The following TBL1X variants were observed in gnomAD, a reference collection of about 807,000 sequenced individuals.
TBL1X encodes transducin beta like 1 X-linked.
In TBL1X, 10 loss-of-function variants were observed where a neutral mutation model predicts 50.7. The observed-to-expected ratio is 0.20, with a 90% CI of 0.12 to 0.33. TBL1X has a LOEUF of 0.33. Among genes scored for constraint, TBL1X ranks in the 10% least tolerant of loss-of-function variants. The pLI, the probability that TBL1X is intolerant of heterozygous loss-of-function variation, is 1.00. For missense variants in TBL1X, 340 were observed against 504.4 expected (o/e 0.67, Z 3.12); for synonymous variants, 190 against 214.7 (o/e 0.88, Z 1.01).
At chrX:9,582,809 T>G (rs2082449239) in intron 2 of TBL1X, among the ~76,000 whole-genome samples, 1 of 112,433 alleles carries the variant, frequency 8.9e-6, no homozygotes, top group African/African-American at 3.2e-5. Flanking sequence ...AATATGGAAA[T>G]TGTCAAACAT....
rs372566282 is a variant in TBL1X at position 9,638,944 on chromosome X, A to G, written c.-130-1329A>G. ...TTTTTCATAGTTAAAAGTATATTTT[A>G]TAAGCAAAATCAAGATTCCTTTGTG... On this transcript the variant is annotated intron_variant, in intron 2 of 17. Transcript: ENST00000645353. Among the ~76,000 whole-genome samples the G allele has an allele frequency of 3.6e-4, 40 of 111,738 alleles. No homozygotes were observed. In the East Asian group the frequency reaches 0.011, roughly 30 times the overall value.
intron 1 of TBL1X, among the ~76,000 whole-genome samples, chrX:9,477,947 A>G (rs936010409): frequency 2.7e-5 from 3 of 111,542 alleles, no homozygotes; most frequent in Non-Finnish European, 3.8e-5. Flanking sequence ...GCTTGGTCGA[A>G]CTTCCCGGAT....
At chrX:9,652,510 T>A (rs1394244866) in intron 3 of TBL1X, among the ~76,000 whole-genome samples, 1 of 112,712 alleles carries the variant, frequency 8.9e-6, no homozygotes, top group Non-Finnish European at 1.9e-5. Flanking sequence ...CCTGTAAAGA[T>A]ACTTGCAAAT....
intron 2 of TBL1X, among the ~76,000 whole-genome samples, chrX:9,581,648 A>G (rs1305400079): frequency 8.9e-6 from 1 of 112,330 alleles, no homozygotes; most frequent in African/African-American, 3.2e-5. Context: ...ACAAATGCCA[A>G]CATAAGAAAC....
intron 2 of TBL1X, among the ~76,000 whole-genome samples, chrX:9,545,971 G>A (rs1344225799): frequency 9.0e-6 from 1 of 111,483 alleles, no homozygotes; most frequent in African/African-American, 3.3e-5. Context: ...GAACAGTTTT[G>A]GCAGGAACGC....
chrX:9,492,876 T>TA lies in TBL1X; in HGVS notation c.-200-8904_-200-8903insA, dbSNP rs1220662218. 2.4e-3 allele frequency among the ~76,000 whole-genome samples: 115 copies of TA among 48,740 alleles called. 3 individuals carry two copies. In the Middle Eastern group the frequency reaches 0.025, roughly 11 times the overall value. 42.3% of individuals were successfully genotyped at this position (48,740 alleles called of 115,157 possible). On this transcript the variant is annotated intron_variant, in intron 1 of 17. Transcript: ENST00000645353. ...GTGTGTGTGTGTGTGTGTGTGTGTGTGTGTGTGTGTGTGTGTGTGTGTAGG... is the reference window on the plus strand; with the variant it reads ...GTGTGTGTGTGTGTGTGTGTGTGTGTAGTGTGTGTGTGTGTGTGTGTGTAGG...
At chrX:9,517,061 G>A (rs1268276179) in intron 2 of TBL1X, among the ~76,000 whole-genome samples, 1 of 111,746 alleles carries the variant, frequency 8.9e-6, no homozygotes, top group East Asian at 2.8e-4. Context: ...CTCTGGGAGA[G>A]CAGAAGAAAC....
intron 2 of TBL1X, among the ~76,000 whole-genome samples, chrX:9,522,178 C>T (rs1051527714): frequency 9.1e-6 from 1 of 109,604 alleles, no homozygotes; most frequent in Non-Finnish European, 1.9e-5. Flanking sequence ...CTACTTTGCC[C>T]GGCTAATTTT....
chrX:9,595,414 C>T (rs775873104), intron 2 of TBL1X, among the ~76,000 whole-genome samples: 1 of 112,083 alleles, frequency 8.9e-6, no homozygotes, highest in Admixed American at 9.4e-5. Flanking sequence ...CTGACCCTGC[C>T]TTTAGAGGGA....
In TBL1X at chrX:9,697,374, A is replaced by G; in HGVS notation, c.1059A>G (p.Thr353=). Residue 353 remains threonine, a synonymous_variant, in exon 12 of 18, where the codon ACA becomes ACG. Transcript: ENST00000645353. ...YILSAGVDKT[T]IIWDAHTGEA... ...CCTTTGTTTGCGGAACACAGACAAC[A>G]ATAATTTGGGATGCCCACACAGGAG... The G allele has an allele frequency of 8.3e-7, 1 of 1,211,148 alleles. No individual in the cohort carries two copies. Among genetic ancestry groups the G allele is most frequent in the Non-Finnish European group, 1.1e-6 (1 of 895,527 alleles).
chrX:9,628,152 C>T (rs1347623625), intron 2 of TBL1X, among the ~76,000 whole-genome samples: 2 of 112,197 alleles, frequency 1.8e-5, no homozygotes, highest in Non-Finnish European at 3.7e-5. Context: ...ACTGAGAGGA[C>T]TTGGAAAGAG....
At chrX:9,700,187 C>T (rs2083160614) in intron 12 of TBL1X, among the ~76,000 whole-genome samples, 1 of 112,142 alleles carries the variant, frequency 8.9e-6, no homozygotes, top group Admixed American at 9.4e-5. Flanking sequence ...GTGCCAAAAC[C>T]TACCTTTGTA....
At chrX:9,620,032 A>G (rs1349000456) in intron 2 of TBL1X, among the ~76,000 whole-genome samples, 2 of 112,340 alleles carry the variant, frequency 1.8e-5, no homozygotes, top group Non-Finnish European at 3.8e-5. Context: ...TGTAAGCTCT[A>G]CATTATGGTG....
At chrX:9,467,248 T>A (rs925226067) in intron 1 of TBL1X, among the ~76,000 whole-genome samples, 3 of 111,331 alleles carry the variant, frequency 2.7e-5, no homozygotes, top group African/African-American at 9.8e-5. Context: ...GGAGGCCATC[T>A]CCAGCAGGTC....
chrX:9,509,188 T>C (rs1218573238), intron 2 of TBL1X, among the ~76,000 whole-genome samples: 4 of 106,065 alleles, frequency 3.8e-5, no homozygotes, highest in South Asian at 4.3e-4. Context: ...GAGATCGAAA[T>C]CATCCTGGCT....
At chrX:9,465,020 G>A (rs766729908), upstream of TBL1X, 5 of 109,066 alleles carry the variant, frequency 4.6e-5, no homozygotes, top group East Asian at 1.5e-3. Flanking sequence ...GCCGGCGGCG[G>A]GGGCGGACCC....
chrX:9,570,223 C>T (rs1271165661), intron 2 of TBL1X, among the ~76,000 whole-genome samples: 2 of 112,227 alleles, frequency 1.8e-5, no homozygotes, highest in African/African-American at 3.2e-5. Flanking sequence ...ATTTATTCAA[C>T]GTTCTTTTCT....
At chrX:9,712,490 A>G (rs1444320823) in intron 16 of TBL1X, among the ~76,000 whole-genome samples, 1 of 112,285 alleles carries the variant, frequency 8.9e-6, no homozygotes, top group Middle Eastern at 4.2e-3. Flanking sequence ...GGCACCCGCC[A>G]TCATGCCCAG....
intron 2 of TBL1X, among the ~76,000 whole-genome samples, chrX:9,592,377 C>G (rs776907074): frequency 1.8e-5 from 2 of 112,106 alleles, no homozygotes; most frequent in South Asian, 7.4e-4. Flanking sequence ...TTAAGAAAAT[C>G]TTAACCCTTG....
Sources: allele counts gnomAD v4.1 joint callset (sites outside exome capture counted in the v4.1 genomes callset), GRCh38; gene constraint gnomAD v4.1.1; transcripts MANE v1.5; gene names NCBI Gene and HGNC (gene_info 2026-07-23, HGNC 2026-07-21).